The following KRABD5 variants were observed in gnomAD, a reference collection of about 807,000 sequenced individuals.
The protein encoded by KRABD5 is KRAB domain containing 5, also known as KRAB domain-containing protein 5.
chr16:31,723,444 C>G, the KRABD5 span: 1 of 1,311,512 alleles, frequency 7.6e-7, no homozygotes, highest in Non-Finnish European at 1.0e-6. Context: ...GGGAAGTTCT[C>G]CAGTGGAAAT....
chr16:31,745,945 G>A, the KRABD5 span, among the ~76,000 whole-genome samples: 1 of 151,624 alleles, frequency 6.6e-6, no homozygotes, highest in Non-Finnish European at 1.5e-5. Context: ...TGCAACCCCT[G>A]CTTTTTTTTT....
chr16:31,751,756 C>T, the KRABD5 span, among the ~76,000 whole-genome samples: 1 of 152,138 alleles, frequency 6.6e-6, no homozygotes, highest in African/African-American at 2.4e-5. Flanking sequence ...AATTTGGGGT[C>T]TCAATTAATT....
the KRABD5 span, among the ~76,000 whole-genome samples, chr16:31,731,933 C>T: frequency 2.6e-5 from 4 of 152,114 alleles, no homozygotes; most frequent in Admixed American, 6.6e-5. Flanking sequence ...CAGACCATGA[C>T]TGAGAGTTGA....
chr16:31,734,443 G>A, the KRABD5 span, among the ~76,000 whole-genome samples: 2 of 151,944 alleles, frequency 1.3e-5, no homozygotes, highest in South Asian at 4.2e-4. Flanking sequence ...GCAGAGATAG[G>A]GTCTCACTAC....
At chr16:31,750,365 C>T in the KRABD5 span, among the ~76,000 whole-genome samples, 2 of 152,138 alleles carry the variant, frequency 1.3e-5, no homozygotes, top group African/African-American at 4.8e-5. Context: ...TATAGAAATG[C>T]TACTGAGTTT....
At chr16:31,718,668 C>T in the KRABD5 span, among the ~76,000 whole-genome samples, 1 of 152,200 alleles carries the variant, frequency 6.6e-6, no homozygotes, top group African/African-American at 2.4e-5. Context: ...CAAGAGTTAG[C>T]TGATCAGGTA....
the KRABD5 span, among the ~76,000 whole-genome samples, chr16:31,727,139 C>G: frequency 6.6e-6 from 1 of 152,206 alleles, no homozygotes; most frequent in Non-Finnish European, 1.5e-5. Flanking sequence ...TTTGTGACCT[C>G]AGCTTTACTG....
At chr16:31,751,305 G>C in the KRABD5 span, among the ~76,000 whole-genome samples, 2 of 152,144 alleles carry the variant, frequency 1.3e-5, no homozygotes, top group Admixed American at 1.3e-4. Context: ...TGGCCTCATA[G>C]AATGAAAGGG....
the KRABD5 span, among the ~76,000 whole-genome samples, chr16:31,741,654 T>G: frequency 3.9e-5 from 6 of 152,250 alleles, no homozygotes; most frequent in South Asian, 1.2e-3. Context: ...TTAATGGGGT[T>G]ATTTTTTTTC....
chr16:31,733,399 T>C, the KRABD5 span: 37 of 411,168 alleles, frequency 9.0e-5, no homozygotes, highest in Non-Finnish European at 3.9e-5. Flanking sequence ...GTCACATTTT[T>C]AATGGTGAAA....
At chr16:31,726,635 CCTGTAAT>C in the KRABD5 span, among the ~76,000 whole-genome samples, 1 of 152,084 alleles carries the variant, frequency 6.6e-6, no homozygotes, top group Non-Finnish European at 1.5e-5. Context: ...GTGGTGCATA[CCTGTAAT>C]GTCAGCTGTT....
At chr16:31,745,282 C>G in the KRABD5 span, among the ~76,000 whole-genome samples, 1 of 152,252 alleles carries the variant, frequency 6.6e-6, no homozygotes, top group Admixed American at 6.5e-5. Context: ...CCTCTTAACA[C>G]TGCTTTACCT....
chr16:31,714,347 A>G, the KRABD5 span: 32 of 456,026 alleles, frequency 7.0e-5, no homozygotes, highest in African/African-American at 5.0e-4. Flanking sequence ...TGATTTTGCT[A>G]TTTTCCTGAA....
the KRABD5 span, chr16:31,759,501 A>T: frequency 7.6e-7 from 1 of 1,308,156 alleles, no homozygotes; most frequent in South Asian, 1.3e-5. Context: ...TTTGTCTAAC[A>T]TGTACAGTTA....
the KRABD5 span, among the ~76,000 whole-genome samples, chr16:31,748,875 A>T: frequency 3.8e-4 from 58 of 152,282 alleles, 2 homozygotes; most frequent in Admixed American, 1.7e-3. Context: ...CACCAACCTG[A>T]TGCCAGTAGG....
chr16:31,747,193 A>G, the KRABD5 span, among the ~76,000 whole-genome samples: 1 of 122,038 alleles, frequency 8.2e-6, no homozygotes, highest in South Asian at 2.7e-4. Flanking sequence ...TCCTGTGTCC[A>G]TGTGTTCTCA....
At chr16:31,759,776 A>G in the KRABD5 span, 1 of 175,808 alleles carries the variant, frequency 5.7e-6, no homozygotes, top group Non-Finnish European at 1.2e-5. Flanking sequence ...TCTGGGTAGG[A>G]GTAAAGCTGG....
chr16:31,716,517 G>A, the KRABD5 span, among the ~76,000 whole-genome samples: 1 of 152,168 alleles, frequency 6.6e-6, no homozygotes, highest in Non-Finnish European at 1.5e-5. Flanking sequence ...TGGGACTGGA[G>A]GCATGTGCCC....
At chr16:31,755,393 G>C in the KRABD5 span, 1 of 500,994 alleles carries the variant, frequency 2.0e-6, no homozygotes, top group Non-Finnish European at 4.1e-6. Flanking sequence ...CATATGTAAA[G>C]AATGTGGCAA....
Sources: gnomAD v4.1 joint callset for allele counts (sites outside exome capture counted in the v4.1 genomes callset) on GRCh38, gnomAD v4.1.1 for gene constraint, MANE v1.5 for transcripts, NCBI Gene and HGNC (gene_info 2026-07-23, HGNC 2026-07-21) for gene names.